Variants in ZNF814 observed in about 807,000 individuals in gnomAD.
ZNF814 encodes zinc finger protein 814.
A neutral mutation model predicts 7.5 loss-of-function variants in ZNF814; 5 were observed. That is an observed-to-expected ratio of 0.67 (90% CI 0.35 to 1.40). The LOEUF is 1.40. ZNF814 is among the 40% of genes most tolerant of loss of function. The probability of loss-of-function intolerance (pLI) is 0.04; values close to 1 mark genes in which losing one functional copy is unlikely to be tolerated. For synonymous variants in ZNF814, 315 were observed against 340.7 expected, an observed-to-expected ratio of 0.92 and a Z score of 0.83; for missense variants, 962 against 1,018.0, an observed-to-expected ratio of 0.94 and a Z score of 0.75.
At position 57,888,990 on chromosome 19, in the gene ZNF814, T is replaced by C. The variant is rs981670833; in HGVS notation, c.-188A>G. 8 of 611,882 alleles carry C rather than the reference T, an allele frequency of 1.3e-5. No homozygotes were observed. The highest frequency in any genetic ancestry group is 2.1e-5 in the South Asian group (1 of 46,630). The allele number at this position is 611,882 out of a possible 1,614,324, so 37.9% of individuals were successfully genotyped here. Reference sequence around the variant, plus strand: ...GGGTTCAGTCACCACAGTGCGGACCTAGCGCTCAGGAGCCTCTCCTACAAA... The same window carrying C: ...GGGTTCAGTCACCACAGTGCGGACCCAGCGCTCAGGAGCCTCTCCTACAAA... On this transcript the variant is annotated 5_prime_UTR_variant, in exon 1 of 3. Transcript: ENST00000435989.
intron 1 of ZNF814, among the ~76,000 whole-genome samples, chr19:57,877,727 C>T (rs1165432856): frequency 1.3e-5 from 2 of 152,190 alleles, no homozygotes; most frequent in African/African-American, 2.4e-5. Flanking sequence ...AGGCATGAGG[C>T]ACCGCGCCCA....
chr19:57,887,009 G>C lies in ZNF814; in HGVS notation c.36+1758C>G, dbSNP rs370091591. 2.0e-4 allele frequency among the ~76,000 whole-genome samples: 30 copies of C among 151,664 alleles called. 1 individual carries two copies. The East Asian group carries it at 5.5e-3, about 28-fold the overall frequency. ...TTGAGACCAGCCTGACCAACATGGA[G>C]AAACCCCGTCTCTACTAAACATACA... On this transcript the variant is annotated intron_variant, in intron 1 of 2. Transcript: ENST00000435989.
At position 57,873,034 on chromosome 19, in the gene ZNF814, T is replaced by C; in HGVS notation, c.2356A>G (p.Ser786Gly). ...ECGKSFAESS[S>G]FTKHKRVHTG... ...TGAACTCTTTTGTGTTTTGTGAAAC[T>C]GGAGCTTTCAGCGAAAGATTTTCCA... The change falls in exon 3 of 3, where the codon AGT (serine) becomes GGT (glycine). Residue 786 changes from serine to glycine, a missense_variant. Coordinates refer to ENST00000435989, the MANE Select transcript of ZNF814 (RefSeq NM_001144989.2). 1 of 1,613,736 alleles carries C rather than the reference T, an allele frequency of 6.2e-7. No homozygotes were observed. The highest frequency in any genetic ancestry group is 8.5e-7 in the Non-Finnish European group (1 of 1,179,816).
chr19:57,887,513 T>G (rs2071702445), intron 1 of ZNF814, among the ~76,000 whole-genome samples: 1 of 152,236 alleles, frequency 6.6e-6, no homozygotes, highest in Non-Finnish European at 1.5e-5. Context: ...CCTTGTGTTG[T>G]AATGCCCAAC....
At chr19:57,886,597 G>A (rs1169439272) in intron 1 of ZNF814, among the ~76,000 whole-genome samples, 12 of 151,906 alleles carry the variant, frequency 7.9e-5, no homozygotes, top group South Asian at 2.1e-4. Flanking sequence ...AAAAAAAGAC[G>A]GCCAGGCACG....
chr19:57,884,108 T>C (rs1475373690), intron 1 of ZNF814, among the ~76,000 whole-genome samples: 3 of 152,124 alleles, frequency 2.0e-5, no homozygotes, highest in South Asian at 2.1e-4. Flanking sequence ...CAAAGCAAAA[T>C]TGGACTAATG....
Position 57,889,037 on chromosome 19 carries a change from T to C in ZNF814, c.-235A>G. On this transcript the variant is annotated 5_prime_UTR_variant, in exon 1 of 3. Coordinates refer to ENST00000435989, the MANE Select transcript of ZNF814 (RefSeq NM_001144989.2). ...CAAATAAATCCAACACCAATCAAAA[T>C]GGCCGCCACCAGAGGGCGCCGGAAG... 3.8e-6 allele frequency: 2 copies of C among 531,196 alleles called. No homozygotes were observed. The highest frequency in any genetic ancestry group is 3.0e-5 in the South Asian group (1 of 33,782). 32.9% of individuals were successfully genotyped at this position (531,196 alleles called of 1,614,324 possible). A position where few individuals can be genotyped will look rare whatever the true frequency, so the allele number is the denominator to read the frequency against.
rs755686304 is a variant in ZNF814 at position 57,873,446 on chromosome 19, C to G, written c.1944G>C (p.Arg648Ser). ...CTGTAGTGTGAACTCGCTGATGATT[C>G]CTAAGGTGTCCTTTTTCATTAAAAG... ...GKSFNEKGHL[R>S]NHQRVHTTER... is the part of the protein sequence containing the mutation. Residue 648 changes from arginine (R) to serine (S), a missense_variant, in exon 3 of 3, where the codon AGG becomes AGC. By Grantham distance (110) the Arg-to-Ser change is moderately radical. This residue lies in a region of ZNF814 where 665 missense variants were observed against 551.4 expected (regional missense o/e 1.21). Transcript: ENST00000435989. The G allele has an allele frequency of 6.2e-7, 1 of 1,613,722 alleles. No homozygotes were observed.
At chr19:57,904,043 G>T in the ZNF814 span, among the ~76,000 whole-genome samples, 3 of 152,162 alleles carry the variant, frequency 2.0e-5, no homozygotes, top group Non-Finnish European at 4.4e-5. Context: ...TTGTGGCTTG[G>T]AGAGAACCCA....
At position 57,888,956 on chromosome 19, in the gene ZNF814, C is replaced by G. The variant is rs2071716416; in HGVS notation, c.-154G>C. On this transcript the variant is annotated 5_prime_UTR_variant, in exon 1 of 3. Coordinates refer to ENST00000435989, the MANE Select transcript of ZNF814 (RefSeq NM_001144989.2). ...CTGTGCAGCGGAGGACAACTGCTCC[C>G]CGACTTCTGGGTTCAGTCACCACAG... The G allele has an allele frequency of 1.3e-6, 1 of 780,786 alleles. No homozygotes were observed. The highest frequency in any genetic ancestry group is 2.1e-6 in the Non-Finnish European group (1 of 484,274). The allele number at this position is 780,786 out of a possible 1,614,324, so 48.4% of individuals were successfully genotyped here. A position where few individuals can be genotyped will look rare whatever the true frequency, so the allele number is the denominator to read the frequency against.
Position 57,888,857 on chromosome 19 carries a change from A to G in ZNF814, c.-55T>C. 6.5e-7 allele frequency: 1 copy of G among 1,544,702 alleles called. No homozygotes were observed. Among genetic ancestry groups the G allele is most frequent in the Middle Eastern group, 1.7e-4 (1 of 5,976 alleles). On this transcript the variant is annotated 5_prime_UTR_variant, in exon 1 of 3. Transcript: ENST00000435989. ...AGGATAGGGCGACCAGCCAGGAGATATGGGCACGACGGTCCGTATCCTGGC... is the reference window on the plus strand; with the variant it reads ...AGGATAGGGCGACCAGCCAGGAGATGTGGGCACGACGGTCCGTATCCTGGC...
At chr19:57,878,078 A>C (rs2071621038) in intron 1 of ZNF814, among the ~76,000 whole-genome samples, 1 of 150,994 alleles carries the variant, frequency 6.6e-6, no homozygotes, top group Non-Finnish European at 1.5e-5. Context: ...AGGCAGGAGA[A>C]TCGCTTGAAC....
chr19:57,884,740 CAAAAGACAGGCAATA>C (rs2071675388), intron 1 of ZNF814, among the ~76,000 whole-genome samples: 1 of 152,084 alleles, frequency 6.6e-6, no homozygotes, highest in East Asian at 1.9e-4. Flanking sequence ...TATTTATATC[CAAAAGACAGGCAATA>C]ACAAATGCTG....
At chr19:57,900,142 G>C in the ZNF814 span, among the ~76,000 whole-genome samples, 1 of 152,124 alleles carries the variant, frequency 6.6e-6, no homozygotes, top group Non-Finnish European at 1.5e-5. Flanking sequence ...AGCCTCATTT[G>C]TGGGACCTCA....
chr19:57,894,082 C>T, the ZNF814 span, among the ~76,000 whole-genome samples: 4 of 133,644 alleles, frequency 3.0e-5, no homozygotes, highest in East Asian at 4.5e-4. Flanking sequence ...GACTCTGTCT[C>T]GAAAAAAAAA....
chr19:57,899,173 C>T, the ZNF814 span, among the ~76,000 whole-genome samples: 43 of 152,212 alleles, frequency 2.8e-4, no homozygotes, highest in East Asian at 2.7e-3. Flanking sequence ...AAAGAATCAG[C>T]GGATACCATT....
At chr19:57,883,872 C>A (rs2071668485) in intron 1 of ZNF814, among the ~76,000 whole-genome samples, 1 of 151,852 alleles carries the variant, frequency 6.6e-6, no homozygotes, top group Admixed American at 6.6e-5. Context: ...ATTCTCCTGC[C>A]TCAGCTTCCG....
At chr19:57,877,142 G>C in intron 1 of ZNF814, 100 bp from the exon 2 acceptor site, 1 of 1,537,682 alleles carries the variant, frequency 6.5e-7, no homozygotes. Context: ...CTCCTCTCAA[G>C]GTCCTCAAAC....
the ZNF814 span, among the ~76,000 whole-genome samples, chr19:57,894,713 A>G: frequency 6.6e-6 from 1 of 151,904 alleles, no homozygotes; most frequent in African/African-American, 2.4e-5. Context: ...GGGTGCCTGT[A>G]GTCCCAGCTA....
Sources: gnomAD v4.1 joint callset for allele counts (sites outside exome capture counted in the v4.1 genomes callset) on GRCh38, gnomAD v4.1.1 for gene constraint, gnomAD v4.1.1 regional missense constraint, MANE v1.5 for transcripts, NCBI Gene and HGNC (gene_info 2026-07-23, HGNC 2026-07-21) for gene names.